LIN28B: variants seen among roughly 807,000 people sequenced by gnomAD.
LIN28B encodes lin-28 RNA binding posttranscriptional regulator B, also known as protein lin-28 homolog B.
In LIN28B, 5 loss-of-function variants were observed where a neutral mutation model predicts 21.9. The ratio of observed to expected loss-of-function variants is 0.23; its 90% CI spans 0.12 to 0.48. LIN28B has a LOEUF of 0.48. Among genes scored for constraint, LIN28B ranks in the 20% least tolerant of loss-of-function variants. The probability of loss-of-function intolerance (pLI) is 0.98; values close to 1 mark genes in which losing one functional copy is unlikely to be tolerated. For missense variants in LIN28B, 245 were observed against 310.5 expected (o/e 0.79, Z 1.58); for synonymous variants, 109 against 111.3 (o/e 0.98, Z 0.13).
In LIN28B at chr6:104,993,617, C is replaced by T. The variant is rs1419058825; in HGVS notation, c.199-32681C>T. ...TTGGGAGGCCGAGGTGGGTGGATTG[C>T]TCGAGGCCAGGAGTTCAAGACCAGC... On this transcript the variant is annotated intron_variant, in intron 2 of 3. Coordinates refer to ENST00000345080, the MANE Select transcript of LIN28B (RefSeq NM_001004317.4). 3.9e-5 allele frequency among the ~76,000 whole-genome samples: 6 copies of T among 152,166 alleles called. 2 individuals carry two copies. The highest frequency in any genetic ancestry group is 3.9e-4 in the Admixed American group (6 of 15,286).
intron 2 of LIN28B, among the ~76,000 whole-genome samples, chr6:104,991,401 T>A (rs2114269595): frequency 6.7e-6 from 1 of 149,230 alleles, no homozygotes; most frequent in South Asian, 2.1e-4. Flanking sequence ...GAGGCGCTCC[T>A]CACATCCCAG....
Position 105,001,373 on chromosome 6 carries a change from G to C in LIN28B, c.199-24925G>C, listed in dbSNP as rs138619107. 4.5e-4 allele frequency among the ~76,000 whole-genome samples: 68 copies of C among 152,278 alleles called. 1 individual carries two copies. The highest frequency in any genetic ancestry group is 1.6e-3 in the African/African-American group (67 of 41,558). On this transcript the variant is annotated intron_variant, in intron 2 of 3. Coordinates refer to ENST00000345080, the MANE Select transcript of LIN28B (RefSeq NM_001004317.4). ...TGATGTTTATGCCTGACTTATTTATGATGGTAACTAACTTCATTGGACCAT... is the reference window on the plus strand; with the variant it reads ...TGATGTTTATGCCTGACTTATTTATCATGGTAACTAACTTCATTGGACCAT...
At chr6:105,021,846 T>G (rs1218056614) in intron 2 of LIN28B, among the ~76,000 whole-genome samples, 4 of 152,200 alleles carry the variant, frequency 2.6e-5, no homozygotes, top group Non-Finnish European at 5.9e-5. Context: ...TGTCTATTTT[T>G]GCCTTGCTGT....
chr6:105,013,147 G>T, intron 2 of LIN28B, among the ~76,000 whole-genome samples: 1 of 151,982 alleles, frequency 6.6e-6, no homozygotes, highest in Non-Finnish European at 1.5e-5. Context: ...GAGTAGCTGG[G>T]ATTACAGGCG....
chr6:104,982,857 G>A (rs925578413), intron 2 of LIN28B, among the ~76,000 whole-genome samples: 3 of 152,144 alleles, frequency 2.0e-5, no homozygotes, highest in Non-Finnish European at 4.4e-5. Flanking sequence ...AAAGTACAGT[G>A]TTGTGATCAT....
chr6:105,035,097 A>C (rs777146087), intron 3 of LIN28B, among the ~76,000 whole-genome samples: 3 of 151,966 alleles, frequency 2.0e-5, no homozygotes, highest in Non-Finnish European at 4.4e-5. Flanking sequence ...ATCTAGTATT[A>C]TATTTTTGAA....
Position 105,024,143 on chromosome 6 carries a change from C to G in LIN28B, c.199-2155C>G, listed in dbSNP as rs541484704. Among the ~76,000 whole-genome samples, 10 of 152,158 alleles carry G rather than the reference C, an allele frequency of 6.6e-5. No homozygotes were observed. The South Asian group carries it at 1.9e-3, about 28-fold the overall frequency. On this transcript the variant is annotated intron_variant, in intron 2 of 3. Coordinates refer to ENST00000345080, the MANE Select transcript of LIN28B (RefSeq NM_001004317.4). ...AGCTGGGATTACAGGCGAGCGCCAC[C>G]ACACCTGGCTAATTTTTTGTATTTT...
At chr6:105,028,411 G>A (rs1252960010) in intron 3 of LIN28B, among the ~76,000 whole-genome samples, 2 of 152,174 alleles carry the variant, frequency 1.3e-5, no homozygotes, top group African/African-American at 4.8e-5. Flanking sequence ...GAAGCTGAAA[G>A]ACCACTAAAG....
intron 3 of LIN28B, among the ~76,000 whole-genome samples, chr6:105,064,136 T>C (rs1772178459): frequency 6.6e-6 from 1 of 152,164 alleles, no homozygotes; most frequent in Non-Finnish European, 1.5e-5. Flanking sequence ...CTGTGGTGCA[T>C]ATTTACTGTA....
In LIN28B at chr6:104,958,266, G is replaced by A; in HGVS notation, c.178G>A (p.Val60Ile). ...NREGSPLDIP[V>I]DVFVHQSKLF... is the part of the protein sequence containing the mutation. ...AGAGGGAAGCCCCTTGGATATTCCA[G>A]TCGATGTATTTGTACACCAAGTAAG... The change falls in exon 2 of 4, where the codon GTC becomes ATC. Residue 60 changes from valine to isoleucine, a missense_variant. By Grantham distance (29) the Val-to-Ile change is conservative. Coordinates refer to ENST00000345080, the MANE Select transcript of LIN28B (RefSeq NM_001004317.4). 2 of 1,568,936 alleles carry A rather than the reference G, an allele frequency of 1.3e-6. No homozygotes were observed. Among genetic ancestry groups the A allele is most frequent in the Non-Finnish European group, 1.7e-6 (2 of 1,148,218 alleles).
chr6:104,961,394 G>A (rs1354027789), intron 2 of LIN28B, among the ~76,000 whole-genome samples: 2 of 151,834 alleles, frequency 1.3e-5, no homozygotes, highest in Non-Finnish European at 2.9e-5. Flanking sequence ...AATTTGTTAC[G>A]TCTAAATTCT....
In LIN28B at chr6:105,078,884, T is replaced by C. The variant is rs757706123; in HGVS notation, c.*101T>C. ...CACAAGCAGTAGCTGACCTGGGATTTTAACTACTATTGGGGAACTGTGAAT... is the reference window on the plus strand; with the variant it reads ...CACAAGCAGTAGCTGACCTGGGATTCTAACTACTATTGGGGAACTGTGAAT... On this transcript the variant is annotated 3_prime_UTR_variant, in exon 4 of 4. Coordinates refer to ENST00000345080, the MANE Select transcript of LIN28B (RefSeq NM_001004317.4). 2.4e-5 allele frequency: 32 copies of C among 1,345,600 alleles called. No homozygotes were observed. The highest frequency in any genetic ancestry group is 3.2e-5 in the Non-Finnish European group (32 of 987,390). The allele number at this position is 1,345,600 out of a possible 1,614,324, so 83.4% of individuals were successfully genotyped here.
chr6:104,950,387 A>G, intron 2 of LIN28B: 1 of 783,492 alleles, frequency 1.3e-6, no homozygotes, highest in Non-Finnish European at 1.7e-6. Flanking sequence ...TTGCTTTCTA[A>G]TGGCCATTAG....
chr6:104,988,154 AATAACTC>A lies in LIN28B; in HGVS notation c.198+29871_198+29877del, dbSNP rs532518895. ...TGCTCGCAACTCGGGGAAAATGTTT[AATAACTC>A]ATCATTAAGCATGATACTAGCTACA... On this transcript the variant is annotated intron_variant, in intron 2 of 3. Transcript: ENST00000345080. Among the ~76,000 whole-genome samples the A allele has an allele frequency of 9.8e-5, 15 of 152,350 alleles. No individual in the cohort carries two copies. In the South Asian group the frequency reaches 3.1e-3, roughly 32 times the overall value.
At chr6:104,988,442 T>G (rs935744980) in intron 2 of LIN28B, among the ~76,000 whole-genome samples, 3 of 152,026 alleles carry the variant, frequency 2.0e-5, no homozygotes, top group Non-Finnish European at 2.9e-5. Flanking sequence ...TTGTATTTTT[T>G]TTTTTTTTTT....
chr6:105,027,897 T>C (rs1388940617), intron 3 of LIN28B, among the ~76,000 whole-genome samples: 2 of 152,152 alleles, frequency 1.3e-5, no homozygotes, highest in African/African-American at 2.4e-5. Flanking sequence ...TATTTTCCTA[T>C]TGGTTTGAAA....
At chr6:104,977,568 T>TTTG (rs150390729) in intron 2 of LIN28B, among the ~76,000 whole-genome samples, 3 of 151,632 alleles carry the variant, frequency 2.0e-5, no homozygotes, top group Non-Finnish European at 4.4e-5. Flanking sequence ...CCTTTCTCTT[T>TTTG]TTGTTGTTGT....
In LIN28B at chr6:104,971,856, A is replaced by AT. The variant is rs370153410; in HGVS notation, c.198+13573dup. ...TCTTTCAAATCCATGATCCTCCCTC[A>AT]TTTGTCATTTTGATTAGCAAGGGAT... On this transcript the variant is annotated intron_variant, in intron 2 of 3. Coordinates refer to ENST00000345080, the MANE Select transcript of LIN28B (RefSeq NM_001004317.4). Among the ~76,000 whole-genome samples, 810 of 152,262 alleles carry AT rather than the reference A, an allele frequency of 5.3e-3. 9 individuals carry two copies. Among genetic ancestry groups the AT allele is most frequent in the Non-Finnish European group, 9.5e-3 (644 of 68,006 alleles).
chr6:104,975,832 C>G (rs965389049), intron 2 of LIN28B, among the ~76,000 whole-genome samples: 1 of 148,560 alleles, frequency 6.7e-6, no homozygotes, highest in African/African-American at 2.5e-5. Flanking sequence ...TTCTTTTCTT[C>G]TTCTTCTTCT....
Sources: allele counts gnomAD v4.1 joint callset (sites outside exome capture counted in the v4.1 genomes callset), GRCh38; gene constraint gnomAD v4.1.1; transcripts MANE v1.5; gene names NCBI Gene and HGNC (gene_info 2026-07-23, HGNC 2026-07-21).